Variants in TUSC3 observed in about 807,000 individuals in gnomAD.
TUSC3 encodes the protein dolichyl-diphosphooligosaccharide--protein glycosyltransferase subunit TUSC3.
A neutral mutation model predicts 44.8 loss-of-function variants in TUSC3; 45 were observed. That is an observed-to-expected ratio of 1.00 (90% CI 0.79 to 1.29). TUSC3 has a LOEUF of 1.29. Ranked by LOEUF, TUSC3 falls within the 50% of genes most tolerant of loss-of-function variation. TUSC3 has a pLI of 0.00. For synonymous variants in TUSC3, 212 were observed against 152.9 expected (o/e 1.39, Z -2.85); for missense variants, 519 against 437.9 (o/e 1.19, Z -1.65).
intron 7 of TUSC3, among the ~76,000 whole-genome samples, chr8:15,741,196 G>T (rs2604355): frequency 6.6e-6 from 1 of 151,962 alleles, no homozygotes; most frequent in Non-Finnish European, 1.5e-5. Flanking sequence ...TTGACCCTAA[G>T]AACATACTAA....
intron 6 of TUSC3, chr8:15,689,159 C>T: frequency 2.4e-6 from 1 of 408,702 alleles, no homozygotes. Flanking sequence ...TTTCTTTCCA[C>T]TCTGCTTCTT....
chr8:15,555,276 A>ATTTTTTTTTTTTTTTTTT (rs35757466), intron 1 of TUSC3, among the ~76,000 whole-genome samples: 4 of 44,888 alleles, frequency 8.9e-5, no homozygotes, highest in African/African-American at 3.3e-4. Flanking sequence ...TGCCAGGCTA[A>ATTTTTTTTTTTTTTTTTT]TTTTTTTTTT....
chr8:15,819,862 G>T, the TUSC3 span, among the ~76,000 whole-genome samples: 3 of 152,014 alleles, frequency 2.0e-5, no homozygotes, highest in African/African-American at 7.2e-5. Context: ...GACAGAAGTG[G>T]GATCTTCCCT....
chr8:15,500,641 T>C (rs1399773377), intron 2 of TUSC3, among the ~76,000 whole-genome samples: 1 of 152,230 alleles, frequency 6.6e-6, no homozygotes, highest in South Asian at 2.1e-4. Context: ...AAATCTTTTT[T>C]AAATTCCCCT....
intron 6 of TUSC3, among the ~76,000 whole-genome samples, chr8:15,718,914 C>T (rs1433356192): frequency 6.6e-6 from 1 of 152,024 alleles, no homozygotes; most frequent in South Asian, 2.1e-4. Context: ...TCTTGTCGTT[C>T]TTCCTTCAAA....
At chr8:15,776,933 C>A in the TUSC3 span, among the ~76,000 whole-genome samples, 1 of 150,770 alleles carries the variant, frequency 6.6e-6, no homozygotes, top group Non-Finnish European at 1.5e-5. Context: ...TGTGTTCATT[C>A]AAAAAAAAAA....
the TUSC3 span, among the ~76,000 whole-genome samples, chr8:15,830,914 A>G: frequency 6.6e-6 from 1 of 152,230 alleles, no homozygotes; most frequent in Non-Finnish European, 1.5e-5. Context: ...AAAAATTAAA[A>G]CAATTAAAAA....
intron 3 of TUSC3, among the ~76,000 whole-genome samples, chr8:15,656,428 T>C (rs1427422895): frequency 1.3e-5 from 2 of 151,920 alleles, no homozygotes; most frequent in Non-Finnish European, 2.9e-5. Flanking sequence ...AAGGGAGAAA[T>C]AGGCAAGAAA....
intron 1 of TUSC3, among the ~76,000 whole-genome samples, chr8:15,482,831 G>T (rs1800681319): frequency 6.6e-6 from 1 of 152,132 alleles, no homozygotes; most frequent in African/African-American, 2.4e-5. Flanking sequence ...TTAATTGCAA[G>T]GTCTTTGTAT....
At chr8:15,817,739 A>G in the TUSC3 span, among the ~76,000 whole-genome samples, 1 of 152,188 alleles carries the variant, frequency 6.6e-6, no homozygotes, top group Non-Finnish European at 1.5e-5. Context: ...TTTCCTTTAT[A>G]AATTACCCAG....
At chr8:15,798,694 C>T in the TUSC3 span, among the ~76,000 whole-genome samples, 2 of 152,084 alleles carry the variant, frequency 1.3e-5, no homozygotes, top group African/African-American at 2.4e-5. Context: ...TATAACTCAT[C>T]AGCAGTCACA....
At chr8:15,446,419 G>A (rs1162278489) in intron 1 of TUSC3, among the ~76,000 whole-genome samples, 3 of 152,044 alleles carry the variant, frequency 2.0e-5, no homozygotes, top group South Asian at 2.1e-4. Context: ...TCACGCCACT[G>A]CACTCCAGCC....
At chr8:15,630,719 G>A (rs552854407) in intron 2 of TUSC3, among the ~76,000 whole-genome samples, 1 of 152,208 alleles carries the variant, frequency 6.6e-6, no homozygotes, top group East Asian at 1.9e-4. Context: ...AGTGTCTTAG[G>A]GCAGTGATCT....
At chr8:15,741,810 A>G (rs973547574) in intron 7 of TUSC3, among the ~76,000 whole-genome samples, 3 of 152,324 alleles carry the variant, frequency 2.0e-5, no homozygotes, top group African/African-American at 7.2e-5. Flanking sequence ...TATAAAAGAT[A>G]TTGCAGAAAA....
intron 1 of TUSC3, among the ~76,000 whole-genome samples, chr8:15,574,027 C>A (rs1224445023): frequency 1.3e-5 from 2 of 152,040 alleles, no homozygotes; most frequent in South Asian, 2.1e-4. Flanking sequence ...ATGTTTTGTT[C>A]CTGGAAGTTA....
chr8:15,630,833 G>A (rs556313121), intron 2 of TUSC3, among the ~76,000 whole-genome samples: 298 of 152,258 alleles, frequency 2.0e-3, no homozygotes, highest in Admixed American at 6.5e-3. Context: ...CTAAAATCAC[G>A]TGGAAAAGAG....
At chr8:15,787,700 A>G in the TUSC3 span, among the ~76,000 whole-genome samples, 3 of 152,226 alleles carry the variant, frequency 2.0e-5, no homozygotes, top group Non-Finnish European at 2.9e-5. Context: ...ACAAAAATCA[A>G]TCTGACCACA....
chr8:15,774,449 A>G, the TUSC3 span, among the ~76,000 whole-genome samples: 1 of 152,174 alleles, frequency 6.6e-6, no homozygotes, highest in Non-Finnish European at 1.5e-5. Flanking sequence ...GATTCGCCTG[A>G]CTACAAGCCA....
At chr8:15,733,175 C>A (rs1338165490) in intron 7 of TUSC3, among the ~76,000 whole-genome samples, 1 of 152,104 alleles carries the variant, frequency 6.6e-6, no homozygotes, top group Non-Finnish European at 1.5e-5. Flanking sequence ...TGTTTATAGA[C>A]ATATCTACTC....
Sources: allele counts gnomAD v4.1 joint callset (sites outside exome capture counted in the v4.1 genomes callset), GRCh38; gene constraint gnomAD v4.1.1; transcripts MANE v1.5; gene names NCBI Gene and HGNC (gene_info 2026-07-23, HGNC 2026-07-21).